The following CAST variants were observed in gnomAD, a reference collection of about 807,000 sequenced individuals.
CAST encodes MIR583 host.
Under a neutral mutation model 119.6 loss-of-function variants are expected in CAST, and 76 were observed. The ratio of observed to expected loss-of-function variants is 0.64; its 90% CI spans 0.53 to 0.77. The LOEUF (loss-of-function observed/expected upper bound fraction) is 0.77. Ranked by LOEUF, CAST falls within the 30% of genes least tolerant of loss-of-function variation. The pLI, the probability that CAST is intolerant of heterozygous loss-of-function variation, is 0.00. For synonymous variants in CAST, 319 were observed against 331.6 expected (o/e 0.96, Z 0.41); for missense variants, 953 against 946.5 (o/e 1.01, Z -0.09).
the CAST span, chr5:96,416,240 G>A: frequency 1.4e-6 from 1 of 725,270 alleles, no homozygotes; most frequent in Non-Finnish European, 2.5e-6. Context: ...TACTGTTTTT[G>A]TTTGTTTGTT....
At chr5:96,641,735 AC>A (rs749791306) in intron 1 of CAST, among the ~76,000 whole-genome samples, 9 of 151,826 alleles carry the variant, frequency 5.9e-5, no homozygotes, top group Non-Finnish European at 1.3e-4. Flanking sequence ...CCCCATTGCA[AC>A]CCCTTCATCC....
At chr5:96,271,800 CA>C in the CAST span, among the ~76,000 whole-genome samples, 1 of 152,038 alleles carries the variant, frequency 6.6e-6, no homozygotes, top group African/African-American at 2.4e-5. Context: ...GCAAAGGAAA[CA>C]ATTAACAAAG....
At chr5:96,121,097 A>G in the CAST span, among the ~76,000 whole-genome samples, 1 of 152,152 alleles carries the variant, frequency 6.6e-6, no homozygotes, top group African/African-American at 2.4e-5. Context: ...ACCATCTAAA[A>G]TACCACATGA....
At chr5:96,526,571 T>C (rs2150176275), upstream of CAST, among the ~76,000 whole-genome samples, 1 of 152,324 alleles carries the variant, frequency 6.6e-6, no homozygotes, top group South Asian at 2.1e-4. Flanking sequence ...TGTTCTCAAT[T>C]TCCTTTACTT....
intron 1 of CAST, among the ~76,000 whole-genome samples, chr5:96,533,070 T>C (rs1745721216): frequency 6.6e-6 from 1 of 151,930 alleles, no homozygotes; most frequent in South Asian, 2.1e-4. Context: ...ATCATCTTCT[T>C]GCCGACAAAA....
chr5:96,082,580 T>C, the CAST span, among the ~76,000 whole-genome samples: 16 of 152,366 alleles, frequency 1.1e-4, 1 homozygote, highest in African/African-American at 2.9e-4. Flanking sequence ...TAACTTTATA[T>C]GTGTATCTTG....
the CAST span, among the ~76,000 whole-genome samples, chr5:96,104,715 C>T: frequency 0.26 from 36,342 of 140,010 alleles, 4,171 homozygotes; most frequent in Non-Finnish European, 0.31. Flanking sequence ...CTTGGCGATG[C>T]GGGCTCTTTT....
chr5:96,243,147 A>G, the CAST span, among the ~76,000 whole-genome samples: 1 of 151,484 alleles, frequency 6.6e-6, no homozygotes, highest in Non-Finnish European at 1.5e-5. Context: ...ACTTCCCATT[A>G]TAATAGTATG....
upstream of CAST, among the ~76,000 whole-genome samples, chr5:96,661,482 C>A (rs1748468581): frequency 1.3e-5 from 2 of 150,062 alleles, no homozygotes; most frequent in Admixed American, 1.3e-4. Flanking sequence ...TAAACCCCAA[C>A]GCTGCAGAAA....
intron 1 of CAST, among the ~76,000 whole-genome samples, chr5:96,561,801 T>TTTGTTTTTTTGG: frequency 1.1e-5 from 1 of 87,686 alleles, no homozygotes; most frequent in East Asian, 6.4e-4. Context: ...TTTTTGTTTT[T>TTTGTTTTTTTGG]TTTTTTTTTG....
chr5:96,000,896 T>G, the CAST span, among the ~76,000 whole-genome samples: 1 of 152,238 alleles, frequency 6.6e-6, no homozygotes. Flanking sequence ...TGGGGACTGT[T>G]GTGATATCTT....
the CAST span, among the ~76,000 whole-genome samples, chr5:95,983,043 C>T: frequency 6.6e-6 from 1 of 152,064 alleles, no homozygotes; most frequent in Admixed American, 6.5e-5. Flanking sequence ...TAAAAATAAA[C>T]AAATTTTGTA....
the CAST span, among the ~76,000 whole-genome samples, chr5:96,081,241 T>C: frequency 6.6e-6 from 1 of 152,130 alleles, no homozygotes. Flanking sequence ...GTGACAGAGT[T>C]TGCCAAGAGG....
At chr5:96,434,194 G>C in the CAST span, 133,131 of 152,234 alleles carry the variant, frequency 0.87, 58,451 homozygotes, top group African/African-American at 0.94. Context: ...GGAGAGCAAG[G>C]AAACATCTAA....
At chr5:96,622,618 A>T (rs1171304145) in intron 1 of CAST, among the ~76,000 whole-genome samples, 1 of 152,162 alleles carries the variant, frequency 6.6e-6, no homozygotes, top group Non-Finnish European at 1.5e-5. Flanking sequence ...CTCGGGGACT[A>T]ATAAAATAAT....
Position 96,631,128 on chromosome 5 carries a change from A to G in CAST, c.61-44411A>G, listed in dbSNP as rs1047729283. On this transcript the variant is annotated intron_variant, in intron 1 of 11. Transcript: ENST00000505143. ...TTTAAGTAGCATTTTTTAAATTGAC[A>G]TATACTTCACAGGACATAAAATCCA... The G allele has an allele frequency of 4.9e-4, 69 of 140,236 alleles. 12 individuals carry two copies. The highest frequency in any genetic ancestry group is 1.6e-3 in the African/African-American group (64 of 39,698). 8.7% of individuals were successfully genotyped at this position (140,236 alleles called of 1,614,324 possible).
the CAST span, among the ~76,000 whole-genome samples, chr5:95,964,654 C>A: frequency 6.6e-6 from 1 of 152,120 alleles, no homozygotes; most frequent in African/African-American, 2.4e-5. Context: ...GACAGCCCAA[C>A]TAAAAATGAT....
the CAST span, among the ~76,000 whole-genome samples, chr5:96,113,474 A>T: frequency 1.3e-5 from 2 of 152,252 alleles, no homozygotes; most frequent in African/African-American, 4.8e-5. Context: ...GCAAAATATA[A>T]AGTGGGAGTC....
the CAST span, among the ~76,000 whole-genome samples, chr5:96,108,310 G>C: frequency 6.6e-6 from 1 of 152,208 alleles, no homozygotes; most frequent in Non-Finnish European, 1.5e-5. Flanking sequence ...CTGCTTTTTA[G>C]AGTTTCCAGT....
Sources: allele counts gnomAD v4.1 joint callset (sites outside exome capture counted in the v4.1 genomes callset), GRCh38; gene constraint gnomAD v4.1.1; transcripts MANE v1.5; gene names NCBI Gene and HGNC (gene_info 2026-07-23, HGNC 2026-07-21).